ANO6: variants seen among roughly 807,000 people sequenced by gnomAD.
ANO6 encodes the protein anoctamin 6, also known as anoctamin-6.
In ANO6, 106 loss-of-function variants were observed where a neutral mutation model predicts 117.5. The ratio of observed to expected loss-of-function variants is 0.90; its 90% CI spans 0.77 to 1.06. The LOEUF is 1.06. ANO6 is among the 50% of genes least tolerant of loss of function. The pLI is 0.00. For synonymous variants in ANO6, 367 were observed against 385.1 expected, an observed-to-expected ratio of 0.95 and a Z score of 0.55; for missense variants, 955 against 1,121.1, an observed-to-expected ratio of 0.85 and a Z score of 2.12.
At chr12:45,318,683 G>A (rs1167907060) in intron 2 of ANO6, among the ~76,000 whole-genome samples, 2 of 152,022 alleles carry the variant, frequency 1.3e-5, no homozygotes, top group African/African-American at 4.8e-5. Flanking sequence ...AGCTTGATGG[G>A]GATGGCATTG....
At chr12:45,283,062 G>T (rs1483291483) in intron 1 of ANO6, among the ~76,000 whole-genome samples, 1 of 152,138 alleles carries the variant, frequency 6.6e-6, no homozygotes, top group African/African-American at 2.4e-5. Context: ...GTGTTGTCTG[G>T]ATATTTTAGT....
At chr12:45,255,902 C>T (rs1420836129) in intron 1 of ANO6, among the ~76,000 whole-genome samples, 1 of 150,120 alleles carries the variant, frequency 6.7e-6, no homozygotes, top group Non-Finnish European at 1.5e-5. Flanking sequence ...CTCACTGCAA[C>T]CTCTGCCTCC....
intron 2 of ANO6, among the ~76,000 whole-genome samples, chr12:45,310,627 G>A (rs1939819128): frequency 6.6e-6 from 1 of 152,066 alleles, no homozygotes. Context: ...ATGGTTAAAG[G>A]TCTGGTGAAG....
intron 1 of ANO6, among the ~76,000 whole-genome samples, chr12:45,262,461 T>TTGCCCAGGCTGG (rs1938071258): frequency 6.6e-6 from 1 of 152,224 alleles, no homozygotes; most frequent in African/African-American, 2.4e-5. Context: ...TTCGCTCTTG[T>TTGCCCAGGCTGG]TGCCCAGGCT....
rs753944997 is a variant in ANO6 at position 45,346,998 on chromosome 12, A to G, written c.280-24A>G. ...GCCTTTGGTAAACTAAAGGTCTAAC[A>G]TATATTCCAACTTCTTTTGACAGAG... On this transcript the variant is annotated intron_variant, in intron 3 of 19. Transcript: ENST00000320560. 39 of 1,592,396 alleles carry G rather than the reference A, an allele frequency of 2.4e-5. 2 individuals are homozygous for G. The South Asian group carries it at 4.2e-4, about 17-fold the overall frequency.
chr12:45,367,907 C>A, intron 9 of ANO6, 114 bp downstream of exon 9: 1 of 779,224 alleles, frequency 1.3e-6, no homozygotes, highest in Non-Finnish European at 2.2e-6. Context: ...AGATATTTTT[C>A]AACTAACCTT....
At chr12:45,230,822 T>C (rs1038283306) in intron 1 of ANO6, among the ~76,000 whole-genome samples, 8 of 152,202 alleles carry the variant, frequency 5.3e-5, no homozygotes, top group Admixed American at 1.3e-4. Flanking sequence ...ATATTTGTAG[T>C]TTTTACTTAT....
intron 16 of ANO6, among the ~76,000 whole-genome samples, chr12:45,415,959 A>G (rs1341358831): frequency 6.6e-6 from 1 of 152,130 alleles, no homozygotes; most frequent in African/African-American, 2.4e-5. Context: ...CCGTGGTATC[A>G]CTTACCCCAA....
At chr12:45,314,428 A>T (rs929579036) in intron 2 of ANO6, among the ~76,000 whole-genome samples, 1 of 115,408 alleles carries the variant, frequency 8.7e-6, no homozygotes, top group Non-Finnish European at 1.8e-5. Flanking sequence ...GGGCAACATA[A>T]TGAGACCTTA....
intron 7 of ANO6, among the ~76,000 whole-genome samples, chr12:45,354,401 TCA>T (rs1420706441): frequency 2.0e-5 from 3 of 152,148 alleles, no homozygotes; most frequent in African/African-American, 4.8e-5. Flanking sequence ...TGAGGAATTT[TCA>T]CAGTTTAGAT....
At chr12:45,216,482 G>T in intron 1 of ANO6, 91 bp downstream of exon 1, 2 of 1,443,922 alleles carry the variant, frequency 1.4e-6, no homozygotes, top group South Asian at 1.2e-5. Context: ...TGCTCTCCGC[G>T]GGGGAGGTTG....
rs936470820 is a variant in ANO6 at position 45,347,407 on chromosome 12, A to G, written c.345+320A>G. ...TGGTAAAAAATTAGAAAACATAAGA[A>G]TAAGGAAAATAATCTGTATCTTAAT... On this transcript the variant is annotated intron_variant, in intron 4 of 19. Transcript: ENST00000320560. 3 of 332,484 alleles carry G rather than the reference A, an allele frequency of 9.0e-6. No homozygotes were observed. The Admixed American group carries it at 1.3e-4, about 15-fold the overall frequency. 20.6% of individuals were successfully genotyped at this position (332,484 alleles called of 1,614,324 possible).
intron 12 of ANO6, among the ~76,000 whole-genome samples, chr12:45,392,921 A>G (rs1300126385): frequency 6.6e-6 from 1 of 152,246 alleles, no homozygotes; most frequent in African/African-American, 2.4e-5. Context: ...AATTATAAAA[A>G]TCAGAGCATC....
intron 1 of ANO6, among the ~76,000 whole-genome samples, chr12:45,234,578 C>T (rs1440046427): frequency 6.6e-6 from 1 of 152,156 alleles, no homozygotes; most frequent in Non-Finnish European, 1.5e-5. Context: ...TTCCAAGTTC[C>T]CAGGGAAGTT....
intron 16 of ANO6, among the ~76,000 whole-genome samples, chr12:45,414,377 T>A (rs1943161760): frequency 6.6e-6 from 1 of 152,168 alleles, no homozygotes; most frequent in Non-Finnish European, 1.5e-5. Flanking sequence ...GGGCTTTTTC[T>A]GGTGTTTTAT....
At chr12:45,305,834 A>G (rs1245708491) in intron 2 of ANO6, among the ~76,000 whole-genome samples, 1 of 152,174 alleles carries the variant, frequency 6.6e-6, no homozygotes, top group Non-Finnish European at 1.5e-5. Context: ...GGTCTGGTTA[A>G]GAGCAAAGGA....
rs566576911 is a variant in ANO6, at chr12:45,384,746, CAAT to C, written c.1166-3408_1166-3406del. 4.5e-4 allele frequency among the ~76,000 whole-genome samples: 69 copies of C among 152,064 alleles called. 1 individual carries two copies. In the South Asian group the frequency reaches 0.014, roughly 30 times the overall value. The stretch of plus-strand genomic sequence containing the variant: ...TTATCACAGACCACTATAAAAGATA[CAAT>C]AATAATGAAAAATTTGAAATGTGAG... On this transcript the variant is annotated intron_variant, in intron 10 of 19. Coordinates refer to ENST00000320560, the MANE Select transcript of ANO6 (RefSeq NM_001025356.3).
intron 1 of ANO6, chr12:45,270,421 T>C (rs1565656276): frequency 2.6e-6 from 4 of 1,517,720 alleles, no homozygotes; most frequent in Non-Finnish European, 3.5e-6. Context: ...CCATCCCTTA[T>C]ATTGGCCTGT....
In ANO6 at chr12:45,247,000, C is replaced by T. The variant is rs533000500; in HGVS notation, c.70+30609C>T. Among the ~76,000 whole-genome samples the T allele has an allele frequency of 5.3e-5, 8 of 152,118 alleles. No homozygotes were observed. In the South Asian group the frequency reaches 1.0e-3, roughly 20 times the overall value. ...AGGCTGGAGTGCAGTGGCGTGATCTCGGCTCACTGCACCCTCCGCCTCCTG... is the reference window on the plus strand; with the variant it reads ...AGGCTGGAGTGCAGTGGCGTGATCTTGGCTCACTGCACCCTCCGCCTCCTG... On this transcript the variant is annotated intron_variant, in intron 1 of 19. Coordinates refer to ENST00000320560, the MANE Select transcript of ANO6 (RefSeq NM_001025356.3).
Sources: gnomAD v4.1 joint callset for allele counts (sites outside exome capture counted in the v4.1 genomes callset) on GRCh38, gnomAD v4.1.1 for gene constraint, MANE v1.5 for transcripts, NCBI Gene and HGNC (gene_info 2026-07-23, HGNC 2026-07-21) for gene names.